The following MMS22L variants were observed in gnomAD, a reference collection of about 807,000 sequenced individuals.
The protein encoded by MMS22L is protein MMS22-like.
In MMS22L, 74 loss-of-function variants were observed where a neutral mutation model predicts 159.1. The observed-to-expected ratio is 0.47, with a 90% CI of 0.39 to 0.56. The LOEUF (loss-of-function observed/expected upper bound fraction) is 0.56. MMS22L is among the 20% of genes least tolerant of loss of function. The pLI is 0.00. For synonymous variants in MMS22L, 517 were observed against 506.9 expected, an observed-to-expected ratio of 1.02 and a Z score of -0.27; for missense variants, 1,351 against 1,422.1, an observed-to-expected ratio of 0.95 and a Z score of 0.80.
chr6:97,201,384 C>T (rs1270955368), intron 14 of MMS22L, among the ~76,000 whole-genome samples: 1 of 152,126 alleles, frequency 6.6e-6, no homozygotes, highest in East Asian at 1.9e-4. Flanking sequence ...CTCTTCCCAG[C>T]ATTTGGTAAT....
chr6:97,181,486 T>C (rs1056450697), intron 16 of MMS22L, among the ~76,000 whole-genome samples: 9 of 152,150 alleles, frequency 5.9e-5, no homozygotes, highest in African/African-American at 2.2e-4. Flanking sequence ...CATGATCTCA[T>C]GAGTTAAGAG....
At chr6:97,221,578 GA>G (rs1020473376) in intron 14 of MMS22L, among the ~76,000 whole-genome samples, 2 of 151,588 alleles carry the variant, frequency 1.3e-5, no homozygotes, top group African/African-American at 4.8e-5. Context: ...ATTTAACTAG[GA>G]AAAAAAGTTT....
chr6:97,283,396 A>G (rs1816949831), upstream of MMS22L: 1 of 151,944 alleles, frequency 6.6e-6, no homozygotes, highest in African/African-American at 2.4e-5. Flanking sequence ...TGGTAAAAAA[A>G]AAAAAACAGA....
At chr6:97,252,661 A>AG (rs1301229294) in intron 10 of MMS22L, among the ~76,000 whole-genome samples, 10 of 151,858 alleles carry the variant, frequency 6.6e-5, no homozygotes, top group Non-Finnish European at 1.5e-4. Context: ...AAAAAAAAAA[A>AG]GTAGTACAAT....
chr6:97,160,724 C>T (rs1802354734), intron 22 of MMS22L, among the ~76,000 whole-genome samples: 1 of 151,784 alleles, frequency 6.6e-6, no homozygotes, highest in African/African-American at 2.4e-5. Context: ...TCTGGTTCAC[C>T]TGTTGTATAT....
chr6:97,149,519 A>C (rs1308344195), intron 24 of MMS22L, among the ~76,000 whole-genome samples: 3 of 152,214 alleles, frequency 2.0e-5, no homozygotes, highest in African/African-American at 7.2e-5. Flanking sequence ...ATTAAAAAAC[A>C]AGACATCCAA....
intron 14 of MMS22L, among the ~76,000 whole-genome samples, chr6:97,199,638 T>C (rs1806926681): frequency 6.6e-6 from 1 of 151,992 alleles, no homozygotes. Flanking sequence ...CAGAAACTAG[T>C]GACCATTGCC....
chr6:97,152,328 T>C (rs2128233678), intron 22 of MMS22L, among the ~76,000 whole-genome samples: 1 of 152,170 alleles, frequency 6.6e-6, no homozygotes, highest in Non-Finnish European at 1.5e-5. Flanking sequence ...TCACTTAAAA[T>C]TAGCCAAATA....
At chr6:97,169,354 G>A (rs903255413) in intron 19 of MMS22L, among the ~76,000 whole-genome samples, 75 of 151,990 alleles carry the variant, frequency 4.9e-4, no homozygotes, top group Non-Finnish European at 7.8e-4. Context: ...TCTCCTTACT[G>A]AAAAATGAAT....
At chr6:97,207,266 T>C (rs1226860099) in intron 14 of MMS22L, among the ~76,000 whole-genome samples, 1 of 152,150 alleles carries the variant, frequency 6.6e-6, no homozygotes, top group Non-Finnish European at 1.5e-5. Context: ...GTTTGCTCCA[T>C]ATCACTCCTG....
chr6:97,201,919 G>A (rs1043795373), intron 14 of MMS22L, among the ~76,000 whole-genome samples: 6 of 152,186 alleles, frequency 3.9e-5, no homozygotes, highest in Admixed American at 3.9e-4. Context: ...CAAGCTATGT[G>A]TTTAAGATAA....
chr6:97,252,450 G>C (rs1226896789), intron 10 of MMS22L, among the ~76,000 whole-genome samples: 8 of 151,884 alleles, frequency 5.3e-5, no homozygotes, highest in Admixed American at 3.9e-4. Flanking sequence ...TTCGAAACCA[G>C]CCTGGCCAAC....
At chr6:97,160,166 T>C (rs991489933) in intron 22 of MMS22L, among the ~76,000 whole-genome samples, 1 of 152,018 alleles carries the variant, frequency 6.6e-6, no homozygotes, top group Non-Finnish European at 1.5e-5. Flanking sequence ...GAATTTATAC[T>C]GTCTTAATAA....
chr6:97,152,268 C>T (rs1801393810), intron 22 of MMS22L, among the ~76,000 whole-genome samples: 1 of 151,866 alleles, frequency 6.6e-6, no homozygotes, highest in Non-Finnish European at 1.5e-5. Context: ...TTCCTCCCAC[C>T]CCCTCACAAA....
chr6:97,149,502 A>G (rs1582344770), intron 24 of MMS22L, among the ~76,000 whole-genome samples: 2 of 152,210 alleles, frequency 1.3e-5, no homozygotes, highest in Non-Finnish European at 2.9e-5. Flanking sequence ...TTGCCACCAT[A>G]AATTTTATTA....
chr6:97,205,134 G>A (rs1448118654), intron 14 of MMS22L, among the ~76,000 whole-genome samples: 4 of 151,412 alleles, frequency 2.6e-5, no homozygotes, highest in Admixed American at 6.6e-5. Context: ...TAGTAGAGAC[G>A]GGTTTTCACC....
chr6:97,155,321 T>C (rs1801716186), intron 22 of MMS22L, among the ~76,000 whole-genome samples: 1 of 33,100 alleles, frequency 3.0e-5, no homozygotes, highest in Non-Finnish European at 6.2e-5. Flanking sequence ...AATTTTTAAA[T>C]TGTTATTATT....
chr6:97,207,839 T>C (rs1018035634), intron 14 of MMS22L, among the ~76,000 whole-genome samples: 1 of 152,108 alleles, frequency 6.6e-6, no homozygotes, highest in Non-Finnish European at 1.5e-5. Context: ...ATGGAAATCA[T>C]TGAAAATTTC....
At position 97,219,760 on chromosome 6, in the gene MMS22L, A is replaced by G. The variant is rs559981767; in HGVS notation, c.2039+9134T>C. Among the ~76,000 whole-genome samples the G allele has an allele frequency of 6.3e-4, 96 of 152,274 alleles. 1 individual carries two copies. Among genetic ancestry groups the G allele is most frequent in the African/African-American group, 2.3e-3 (94 of 41,544 alleles). ...AGCAGCAACTATCAGGCACTACTAG[A>G]GGTTCCTTAAGAAGCAAAGGCAAAA... On this transcript the variant is annotated intron_variant, in intron 14 of 24. Coordinates refer to ENST00000683635, the MANE Select transcript of MMS22L (RefSeq NM_001350599.2).
Sources: gnomAD v4.1 joint callset for allele counts (sites outside exome capture counted in the v4.1 genomes callset) on GRCh38, gnomAD v4.1.1 for gene constraint, MANE v1.5 for transcripts, NCBI Gene and HGNC (gene_info 2026-07-23, HGNC 2026-07-21) for gene names.